ZNF628: variants seen among roughly 807,000 people sequenced by gnomAD.
The protein encoded by ZNF628 is zinc finger protein Zec.
Under a neutral mutation model 2.5 loss-of-function variants are expected in ZNF628, and 3 were observed. The ratio of observed to expected loss-of-function variants is 1.19; its 90% CI spans 0.54 to 3.07. The LOEUF (loss-of-function observed/expected upper bound fraction) is 3.07, where lower values mean the gene tolerates loss of function less well. ZNF628 is among the 30% of genes most tolerant of loss of function. The pLI, the probability that ZNF628 is intolerant of heterozygous loss-of-function variation, is 0.03. For synonymous variants in ZNF628, 861 were observed against 717.1 expected, an observed-to-expected ratio of 1.20 and a Z score of -3.21; for missense variants, 1,610 against 1,517.1, an observed-to-expected ratio of 1.06 and a Z score of -1.02.
intron 1 of ZNF628, 149 bp downstream of exon 1, chr19:55,476,956 G>A (rs1246019864): frequency 6.6e-6 from 1 of 152,168 alleles, no homozygotes; most frequent in South Asian, 2.1e-4. Flanking sequence ...GCTAGGCCGG[G>A]TCCGCCCTCT....
At position 55,483,737 on chromosome 19, in the gene ZNF628, A is replaced by G. The variant is rs567123998; in HGVS notation, c.2544A>G (p.Ala848=). The part of the protein sequence containing the change: ...QEVTTVQLQP[A]QEVTTVQLQP... The stretch of plus-strand genomic sequence containing the variant: ...TGACCACAGTCCAGCTCCAGCCAGC[A>G]CAGGAAGTAACCACGGTCCAGCTCC... Residue 848 remains alanine (A), a synonymous_variant, in exon 3 of 3, where the codon GCA becomes GCG. Transcript: ENST00000598519. 8 of 1,612,282 alleles carry G rather than the reference A, an allele frequency of 5.0e-6. No individual in the cohort carries two copies. The highest frequency in any genetic ancestry group is 1.7e-6 in the Non-Finnish European group (2 of 1,179,068).
rs755553216 is a variant in ZNF628 at position 55,482,418 on chromosome 19, G to A, written c.1225G>A (p.Val409Met). The change falls in exon 3 of 3, where the codon GTG becomes ATG. Residue 409 changes from valine (V) to methionine (M), a missense_variant. Val to Met is a conservative substitution (Grantham distance 21). Coordinates refer to ENST00000598519, the MANE Select transcript of ZNF628 (RefSeq NM_033113.3). ...CCTCCTGGCGCATCAGCAGTGCCAC[G>A]TGGAAGAGGCCGCGGCCGGGCGCCC... The part of the protein sequence containing the change: ...ASLLAHQQCH[V>M]EEAAAGRPPP... The A allele has an allele frequency of 1.5e-5, 21 of 1,378,174 alleles. No homozygotes were observed. In the African/African-American group the frequency reaches 2.5e-4, roughly 16 times the overall value. 85.4% of individuals were successfully genotyped at this position (1,378,174 alleles called of 1,614,324 possible).
At position 55,479,606 on chromosome 19, in the gene ZNF628, T is replaced by C. The variant is rs1455971320; in HGVS notation, c.-77-228T>C. On this transcript the variant is annotated intron_variant, in intron 1 of 2. Coordinates refer to ENST00000598519, the MANE Select transcript of ZNF628 (RefSeq NM_033113.3). The surrounding 1 kb of genome is among the most constrained non-coding windows in gnomAD (Gnocchi z 5.1). ...GCTGACATTGTGGATGGGATTGTTC[T>C]CCGCTGTGGGGCCGTCCTGTGAATT... 6.6e-6 allele frequency among the ~76,000 whole-genome samples: 1 copy of C among 152,140 alleles called. No homozygotes were observed. Among genetic ancestry groups the C allele is most frequent in the African/African-American group, 2.4e-5 (1 of 41,420 alleles).
At chr19:55,480,249 CTT>C (rs35704154) in intron 2 of ZNF628, among the ~76,000 whole-genome samples, 2 of 128,216 alleles carry the variant, frequency 1.6e-5, no homozygotes, top group African/African-American at 3.0e-5. Context: ...TTTTTTTTTC[CTT>C]TTTTTTTTTT....
At position 55,482,939 on chromosome 19, in the gene ZNF628, G is replaced by A. The variant is rs1000040544; in HGVS notation, c.1746G>A (p.Arg582=). The change falls in exon 3 of 3, where the codon CGG becomes CGA. Residue 582 remains arginine (R), a synonymous_variant. Coordinates refer to ENST00000598519, the MANE Select transcript of ZNF628 (RefSeq NM_033113.3). ...GKSFAQTSNL[R]QHQRVHTGER... ...GCTTCGCGCAGACCTCCAACCTGCG[G>A]CAGCACCAGCGCGTGCACACGGGCG... 2.5e-6 allele frequency: 4 copies of A among 1,607,228 alleles called. No individual in the cohort carries two copies. The highest frequency in any genetic ancestry group is 1.4e-5 in the African/African-American group (1 of 74,014).
rs1374312777 is a variant in ZNF628, at chr19:55,482,478, C to G, written c.1285C>G (p.Pro429Ala). ...GGCTGAGGCTGCGGAGGTGACCTGC[C>G]CCCAGGAACCGCTGGCGCCTGCCGC... is the stretch of plus-strand genomic sequence containing the variant. Reference protein sequence around the residue: ...PQAEAAEVTCPQEPLAPAAPV... With the variant: ...PQAEAAEVTCAQEPLAPAAPV... Residue 429 changes from proline (P) to alanine (A), a missense_variant, in exon 3 of 3, where the codon CCC (proline) becomes GCC (alanine). Pro to Ala is a conservative substitution (Grantham distance 27). This residue lies in a region of ZNF628 where 651 missense variants were observed against 575.6 expected (regional missense o/e 1.13). Coordinates refer to ENST00000598519, the MANE Select transcript of ZNF628 (RefSeq NM_033113.3). 1 of 1,436,510 alleles carries G rather than the reference C, an allele frequency of 7.0e-7. No individual in the cohort carries two copies. Among genetic ancestry groups the G allele is most frequent in the Non-Finnish European group, 9.1e-7 (1 of 1,100,930 alleles). 89.0% of individuals were successfully genotyped at this position (1,436,510 alleles called of 1,614,324 possible). A position where few individuals can be genotyped will look rare whatever the true frequency, so the allele number is the denominator to read the frequency against.
intron 1 of ZNF628, among the ~76,000 whole-genome samples, chr19:55,477,119 C>A (rs1599895292): frequency 6.6e-6 from 1 of 152,224 alleles, no homozygotes; most frequent in African/African-American, 2.4e-5. Flanking sequence ...ACTCCTGAGT[C>A]CTGGTTGCTT....
chr19:55,477,607 C>T (rs1478482386), intron 1 of ZNF628, among the ~76,000 whole-genome samples: 1 of 151,650 alleles, frequency 6.6e-6, no homozygotes, highest in Non-Finnish European at 1.5e-5. Context: ...ACTAAAAATA[C>T]AAAAATTAGC....
At position 55,483,136 on chromosome 19, in the gene ZNF628, A is replaced by G; in HGVS notation, c.1943A>G (p.Asn648Ser). 2 of 1,585,438 alleles carry G rather than the reference A, an allele frequency of 1.3e-6. No homozygotes were observed. The highest frequency in any genetic ancestry group is 2.3e-5 in the East Asian group (1 of 43,888). The part of the protein sequence containing the change: ...QRHLRTHAPA[N>S]TPPSTTAPAA... ...CACCTGAGGACGCACGCCCCGGCCAACACGCCTCCCAGCACCACAGCCCCT... is the reference window on the plus strand; with the variant it reads ...CACCTGAGGACGCACGCCCCGGCCAGCACGCCTCCCAGCACCACAGCCCCT... Residue 648 changes from asparagine (N) to serine (S), a missense_variant, in exon 3 of 3, where the codon AAC (asparagine) becomes AGC (serine). Physicochemically the swap from Asn to Ser is conservative, Grantham distance 46. Coordinates refer to ENST00000598519, the MANE Select transcript of ZNF628 (RefSeq NM_033113.3).
chr19:55,482,359 G>T lies in ZNF628; in HGVS notation c.1166G>T (p.Gly389Val). 3.5e-6 allele frequency: 5 copies of T among 1,441,750 alleles called. No homozygotes were observed. The highest frequency in any genetic ancestry group is 4.5e-6 in the Non-Finnish European group (5 of 1,101,822). The allele number at this position is 1,441,750 out of a possible 1,614,324, so 89.3% of individuals were successfully genotyped here. A position where few individuals can be genotyped will look rare whatever the true frequency, so the allele number is the denominator to read the frequency against. ...GAAGGQAFRC[G>V]SCDGSFPQLA... ...GCCGGCGGGCAAGCGTTCCGCTGCG[G>T]CAGCTGCGACGGCTCCTTCCCGCAG... The change falls in exon 3 of 3, where the codon GGC becomes GTC. Residue 389 changes from glycine to valine, a missense_variant. Transcript: ENST00000598519.
rs1231554885 is a variant in ZNF628, at chr19:55,483,118, G to A, written c.1925G>A (p.Arg642Lys). 3 of 1,597,998 alleles carry A rather than the reference G, an allele frequency of 1.9e-6. No homozygotes were observed. In the East Asian group the frequency reaches 6.7e-5, roughly 36 times the overall value. ...GCCGCCTATCTGCAGCGGCACCTGA[G>A]GACGCACGCCCCGGCCAACACGCCT... ...VMAAYLQRHL[R>K]THAPANTPPS... The change falls in exon 3 of 3, where the codon AGG becomes AAG. Residue 642 changes from arginine (R) to lysine (K), a missense_variant. By Grantham distance (26) the Arg-to-Lys change is conservative (BLOSUM62 2). Coordinates refer to ENST00000598519, the MANE Select transcript of ZNF628 (RefSeq NM_033113.3).
intron 1 of ZNF628, among the ~76,000 whole-genome samples, chr19:55,477,739 G>T (rs1401921076): frequency 6.6e-6 from 1 of 150,534 alleles, no homozygotes; most frequent in East Asian, 2.0e-4. Context: ...TCCAGCCTCG[G>T]TGACAGAGTG....
In ZNF628 at chr19:55,481,230, G is replaced by T; in HGVS notation, c.37G>T (p.Ala13Ser). The T allele has an allele frequency of 6.4e-7, 1 of 1,570,076 alleles. No individual in the cohort carries two copies. ...GVMVGSHADM[A>S]PASTAEGAGE... is the part of the protein sequence containing the mutation. ...GATGGTCGGCTCCCACGCGGACATG[G>T]CGCCGGCCTCTACTGCGGAGGGGGC... The change falls in exon 3 of 3, where the codon GCG becomes TCG. Residue 13 changes from alanine to serine, a missense_variant. Transcript: ENST00000598519.
In ZNF628 at chr19:55,479,425, T is replaced by A. The variant is rs372658177; in HGVS notation, c.-77-409T>A. 2.6e-5 allele frequency among the ~76,000 whole-genome samples: 4 copies of A among 152,300 alleles called. No individual in the cohort carries two copies. The East Asian group carries it at 7.7e-4, about 29-fold the overall frequency. Reference sequence around the variant, plus strand: ...CAGGGAAGTGGAGTGAAGAGCTTTTTGGTTTTTAAAGATGGGAGACATAGA... The same window carrying A: ...CAGGGAAGTGGAGTGAAGAGCTTTTAGGTTTTTAAAGATGGGAGACATAGA... On this transcript the variant is annotated intron_variant, in intron 1 of 2. Coordinates refer to ENST00000598519, the MANE Select transcript of ZNF628 (RefSeq NM_033113.3). The surrounding 1 kb of genome is among the most constrained non-coding windows in gnomAD (Gnocchi z 5.1).
intron 2 of ZNF628, among the ~76,000 whole-genome samples, chr19:55,480,359 C>T (rs1986669735): frequency 6.6e-6 from 1 of 151,144 alleles, no homozygotes; most frequent in African/African-American, 2.4e-5. Flanking sequence ...GATTCTCCTG[C>T]CTCAGCCTCC....
At position 55,483,656 on chromosome 19, in the gene ZNF628, G is replaced by A. The variant is rs781287394; in HGVS notation, c.2463G>A (p.Gln821=). ...GPQEMSGVQL[Q]PLRPAPEVTT... is the part of the protein sequence containing the mutation. ...AGGAAATGAGTGGGGTGCAGCTCCA[G>A]CCCCTCCGACCAGCCCCAGAAGTAA... Residue 821 remains glutamine (Q), a synonymous_variant, in exon 3 of 3, where the codon CAG becomes CAA. Transcript: ENST00000598519. 5.6e-6 allele frequency: 9 copies of A among 1,613,760 alleles called. No homozygotes were observed. The highest frequency in any genetic ancestry group is 4.5e-5 in the East Asian group (2 of 44,882).
chr19:55,476,954 G>C (rs1986563539), intron 1 of ZNF628, 147 bp downstream of exon 1: 1 of 152,132 alleles, frequency 6.6e-6, no homozygotes, highest in Non-Finnish European at 1.5e-5. Context: ...CAGCTAGGCC[G>C]GGTCCGCCCT....
At position 55,482,036 on chromosome 19, in the gene ZNF628, G is replaced by T. The variant is rs756178509; in HGVS notation, c.843G>T (p.Glu281Asp). Reference protein sequence around the residue: ...PPPPPPPVVPELFLAAAETTV... With the variant: ...PPPPPPPVVPDLFLAAAETTV... ...CCCCGCCCCCGCCCGTGGTGCCTGA[G>T]CTCTTTTTGGCGGCGGCGGAGACCA... Residue 281 changes from glutamate to aspartate, a missense_variant, in exon 3 of 3, where the codon GAG (glutamate) becomes GAT (aspartate). Glu to Asp is a conservative substitution (Grantham distance 45). Around this residue, in one of 5 missense-constraint regions of ZNF628, gnomAD observed 651 missense variants for 575.6 expected, o/e 1.13. Transcript: ENST00000598519. 5 of 1,483,462 alleles carry T rather than the reference G, an allele frequency of 3.4e-6. No individual in the cohort carries two copies. The South Asian group carries it at 6.2e-5, about 18-fold the overall frequency. The allele number at this position is 1,483,462 out of a possible 1,614,324, so 91.9% of individuals were successfully genotyped here.
chr19:55,483,863 G>A lies in ZNF628; in HGVS notation c.2670G>A (p.Leu890=), dbSNP rs766721375. ...TGGCTACTGAGGCACCCAACCTGCTGGTTGTTCAGAGCGGGGCAGCTGAGG... is the reference window on the plus strand; with the variant it reads ...TGGCTACTGAGGCACCCAACCTGCTAGTTGTTCAGAGCGGGGCAGCTGAGG... ...GAVATEAPNL[L]VVQSGAAEEL... The change falls in exon 3 of 3, where the codon CTG becomes CTA. Residue 890 remains leucine (L), a synonymous_variant. Transcript: ENST00000598519. The A allele has an allele frequency of 6.2e-7, 1 of 1,611,682 alleles. No homozygotes were observed. The highest frequency in any genetic ancestry group is 1.3e-5 in the African/African-American group (1 of 74,878).
Sources: allele counts gnomAD v4.1 joint callset (sites outside exome capture counted in the v4.1 genomes callset), GRCh38; gene constraint gnomAD v4.1.1; regional missense constraint gnomAD v4.1.1; non-coding constraint Gnocchi (gnomAD v3.1); transcripts MANE v1.5; gene names NCBI Gene and HGNC (gene_info 2026-07-23, HGNC 2026-07-21).